Variants in LRP1B observed in about 807,000 individuals in gnomAD.
LRP1B encodes the protein low-density lipoprotein receptor-related protein 1B.
A neutral mutation model predicts 556.6 loss-of-function variants in LRP1B; 217 were observed. The observed-to-expected ratio is 0.39, with a 90% CI of 0.35 to 0.44. The LOEUF (loss-of-function observed/expected upper bound fraction) is 0.44. Among genes scored for constraint, LRP1B ranks in the 20% least tolerant of loss-of-function variants. LRP1B has a pLI of 1.00. For missense variants in LRP1B, 5,053 were observed against 5,620.8 expected (o/e 0.90, Z 3.23); for synonymous variants, 2,047 against 1,865.8 (o/e 1.10, Z -2.50).
chr2:141,182,895 C>G (rs1681067382), intron 7 of LRP1B, among the ~76,000 whole-genome samples: 1 of 151,762 alleles, frequency 6.6e-6, no homozygotes, highest in Admixed American at 6.6e-5. Flanking sequence ...TGCAACCTGT[C>G]AAAATGTAAA....
chr2:141,183,382 G>A (rs1009943318), intron 7 of LRP1B, among the ~76,000 whole-genome samples: 5 of 151,994 alleles, frequency 3.3e-5, no homozygotes, highest in African/African-American at 9.7e-5. Context: ...TCCTGCTCCC[G>A]ATAGCTGTTA....
intron 1 of LRP1B, among the ~76,000 whole-genome samples, chr2:142,046,796 A>G (rs1173028542): frequency 6.6e-6 from 1 of 152,026 alleles, no homozygotes; most frequent in Admixed American, 6.6e-5. Context: ...CATCTTACAG[A>G]AGTAGGCAGC....
At chr2:140,495,900 T>C in intron 55 of LRP1B, 152 bp from the exon 56 acceptor site, 6 of 580,628 alleles carry the variant, frequency 1.0e-5, no homozygotes, top group Non-Finnish European at 1.8e-5. Context: ...ATGGGAATTA[T>C]GTATATTATG....
chr2:140,536,702 AT>A lies in LRP1B; in HGVS notation c.7520del (p.Asn2507IlefsTer78). ...ACTCCGAATAAGCGTTGCAGGAGGA[AT>A]TTTTAGCTGCAAGAAAAAAAAAAAA... ...LLEDNRCVTK[N>X]SSCNAYSEFE... On this transcript the variant is annotated frameshift_variant, in exon 46 of 91. Transcript: ENST00000389484. LOFTEE classifies it high-confidence loss of function. 6.3e-7 allele frequency: 1 copy of A among 1,587,158 alleles called. No homozygotes were observed. The highest frequency in any genetic ancestry group is 2.3e-5 in the East Asian group (1 of 44,376).
At chr2:142,098,662 A>G (rs1488954759) in intron 1 of LRP1B, among the ~76,000 whole-genome samples, 1 of 151,822 alleles carries the variant, frequency 6.6e-6, no homozygotes, top group Non-Finnish European at 1.5e-5. Flanking sequence ...GTAATAAAAT[A>G]AATGAAATTG....
At chr2:141,264,251 G>A (rs1377594088) in intron 3 of LRP1B, among the ~76,000 whole-genome samples, 2 of 152,062 alleles carry the variant, frequency 1.3e-5, no homozygotes, top group Non-Finnish European at 1.5e-5. Flanking sequence ...CAATTATATT[G>A]AAAGTTTATT....
intron 6 of LRP1B, among the ~76,000 whole-genome samples, chr2:141,189,152 G>A (rs910694465): frequency 6.6e-6 from 1 of 151,994 alleles, no homozygotes; most frequent in African/African-American, 2.4e-5. Flanking sequence ...TGTAAAAAAG[G>A]CTTGCTCAAG....
chr2:141,470,725 A>G (rs1682429351), intron 3 of LRP1B, among the ~76,000 whole-genome samples: 1 of 152,210 alleles, frequency 6.6e-6, no homozygotes, highest in African/African-American at 2.4e-5. Context: ...CAAAAAACCA[A>G]ATAATGAATC....
At chr2:141,857,624 A>G (rs796968892) in intron 1 of LRP1B, among the ~76,000 whole-genome samples, 2 of 152,270 alleles carry the variant, frequency 1.3e-5, no homozygotes, top group African/African-American at 4.8e-5. Context: ...GGCATGAGCC[A>G]CAGCACCCGA....
chr2:141,695,402 C>T (rs1305144283), intron 2 of LRP1B, among the ~76,000 whole-genome samples: 2 of 151,936 alleles, frequency 1.3e-5, no homozygotes, highest in African/African-American at 2.4e-5. Context: ...GCAAAATTGC[C>T]TAATAGTGAT....
At chr2:141,425,143 C>T (rs1680309054) in intron 3 of LRP1B, among the ~76,000 whole-genome samples, 1 of 151,284 alleles carries the variant, frequency 6.6e-6, no homozygotes, top group Admixed American at 6.6e-5. Context: ...TCGTTCAGTT[C>T]CCATCTATGA....
chr2:141,227,838 C>G (rs535092598), intron 6 of LRP1B, among the ~76,000 whole-genome samples: 1 of 152,098 alleles, frequency 6.6e-6, no homozygotes, highest in African/African-American at 2.4e-5. Context: ...ATTATTGAAA[C>G]GAGATCAAAT....
In LRP1B at chr2:140,955,130, T is replaced by C. The variant is rs1458642461; in HGVS notation, c.2888-3190A>G. ...TATCATCTAGAAATGCATAATACCC[T>C]GAAAGCATTTAATGTAGCAAAAAGT... On this transcript the variant is annotated intron_variant, in intron 18 of 90. Transcript: ENST00000389484. Among the ~76,000 whole-genome samples, 3 of 151,920 alleles carry C rather than the reference T, an allele frequency of 2.0e-5. No homozygotes were observed. In the East Asian group the frequency reaches 5.8e-4, roughly 29 times the overall value.
In LRP1B at chr2:141,059,010, A is replaced by G; in HGVS notation, c.1281T>C (p.Tyr427=). 6.3e-7 allele frequency: 1 copy of G among 1,589,010 alleles called. No individual in the cohort carries two copies. The highest frequency in any genetic ancestry group is 8.6e-7 in the Non-Finnish European group (1 of 1,166,052). Residue 427 remains tyrosine (Y), a synonymous_variant, in exon 9 of 91, where the codon TAT becomes TAC. Coordinates refer to ENST00000389484, the MANE Select transcript of LRP1B (RefSeq NM_018557.3). The stretch of plus-strand genomic sequence containing the variant: ...TATTGTAGTTATCAGAATTGGTTGC[A>G]TACAAATAATCTTCAAACACAGTTA... The part of the protein sequence containing the change: ...YGITVFEDYL[Y]ATNSDNYNIV...
intron 3 of LRP1B, among the ~76,000 whole-genome samples, chr2:141,336,861 G>A (rs1025665974): frequency 4.6e-5 from 7 of 152,062 alleles, no homozygotes; most frequent in African/African-American, 1.4e-4. Flanking sequence ...GGAGCACCAC[G>A]TTATGTCTAT....
intron 2 of LRP1B, among the ~76,000 whole-genome samples, chr2:141,613,852 C>A (rs976126921): frequency 6.6e-6 from 1 of 151,904 alleles, no homozygotes; most frequent in African/African-American, 2.4e-5. Flanking sequence ...GCAGGTGGAT[C>A]ACCTTAAGTC....
At chr2:141,576,537 C>T (rs1299043510) in intron 2 of LRP1B, among the ~76,000 whole-genome samples, 2 of 151,948 alleles carry the variant, frequency 1.3e-5, no homozygotes, top group African/African-American at 4.8e-5. Flanking sequence ...TGTAGTAAAC[C>T]TACACGTTCT....
At chr2:141,845,063 A>C (rs1169894203) in intron 1 of LRP1B, among the ~76,000 whole-genome samples, 3 of 151,618 alleles carry the variant, frequency 2.0e-5, no homozygotes, top group African/African-American at 7.3e-5. Flanking sequence ...AAAATTAGCT[A>C]ATCTTAATAG....
chr2:140,653,832 C>A (rs1226316798), intron 41 of LRP1B, among the ~76,000 whole-genome samples: 1 of 151,584 alleles, frequency 6.6e-6, no homozygotes, highest in African/African-American at 2.4e-5. Context: ...CGAGGCCAGC[C>A]TGGCTAACAT....
Sources: allele counts gnomAD v4.1 joint callset (sites outside exome capture counted in the v4.1 genomes callset), GRCh38; gene constraint gnomAD v4.1.1; transcripts MANE v1.5; gene names NCBI Gene and HGNC (gene_info 2026-07-23, HGNC 2026-07-21).